Variants in CLASP2 observed in about 807,000 individuals in gnomAD.
The protein encoded by CLASP2 is cytoplasmic linker associated protein 2.
In CLASP2, 47 loss-of-function variants were observed where a neutral mutation model predicts 194.4. The ratio of observed to expected loss-of-function variants is 0.24; its 90% CI spans 0.19 to 0.31. The LOEUF (loss-of-function observed/expected upper bound fraction) is 0.31. Ranked by LOEUF, CLASP2 falls within the 10% of genes least tolerant of loss-of-function variation. The pLI, the probability that CLASP2 is intolerant of heterozygous loss-of-function variation, is 1.00. For synonymous variants in CLASP2, 619 were observed against 633.5 expected (o/e 0.98, Z 0.34); for missense variants, 1,445 against 1,823.6 (o/e 0.79, Z 3.78).
At chr3:33,627,212 T>A (rs934406422) in intron 9 of CLASP2, 132 bp from the exon 10 acceptor site, 2 of 680,098 alleles carry the variant, frequency 2.9e-6, no homozygotes, top group East Asian at 2.7e-5. Flanking sequence ...TAATGGAGAA[T>A]AGAAATACAT....
At chr3:33,501,613 C>T in intron 38 of CLASP2, 39 bp downstream of exon 38, 2 of 1,257,008 alleles carry the variant, frequency 1.6e-6, no homozygotes, top group Non-Finnish European at 2.3e-6. Context: ...GAAAGATGTA[C>T]TATGGCCACC....
chr3:33,507,206 G>C (rs1466565900), intron 37 of CLASP2, among the ~76,000 whole-genome samples: 3 of 152,026 alleles, frequency 2.0e-5, no homozygotes, highest in Non-Finnish European at 4.4e-5. Context: ...CAGAGTGCTG[G>C]GATTACAGGC....
At chr3:33,699,236 G>A (rs1345349992) in intron 1 of CLASP2, among the ~76,000 whole-genome samples, 1 of 151,974 alleles carries the variant, frequency 6.6e-6, no homozygotes, top group Non-Finnish European at 1.5e-5. Context: ...AAGAGCAGTG[G>A]GATAATACTA....
chr3:33,531,818 C>T (rs754438316), intron 34 of CLASP2, among the ~76,000 whole-genome samples: 9 of 151,974 alleles, frequency 5.9e-5, no homozygotes, highest in Non-Finnish European at 8.8e-5. Flanking sequence ...AATGGGATAT[C>T]GCCACACATC....
chr3:33,711,939 G>GA (rs1225002513), intron 1 of CLASP2, among the ~76,000 whole-genome samples: 10 of 152,094 alleles, frequency 6.6e-5, no homozygotes, highest in Non-Finnish European at 8.8e-5. Flanking sequence ...TGTCCACTCT[G>GA]AAAAACAGTA....
At chr3:33,654,867 T>C (rs954617063) in intron 7 of CLASP2, among the ~76,000 whole-genome samples, 1 of 152,176 alleles carries the variant, frequency 6.6e-6, no homozygotes, top group African/African-American at 2.4e-5. Flanking sequence ...ATTGATAAAG[T>C]ATCTTGAAAT....
chr3:33,502,088 T>C (rs1325182661), intron 37 of CLASP2: 1 of 214,330 alleles, frequency 4.7e-6, no homozygotes, highest in Non-Finnish European at 9.3e-6. Flanking sequence ...TCCTAAAGCA[T>C]TAGGTTTTAA....
At chr3:33,523,412 C>T (rs2053672323) in intron 34 of CLASP2, among the ~76,000 whole-genome samples, 1 of 152,052 alleles carries the variant, frequency 6.6e-6, no homozygotes, top group Non-Finnish European at 1.5e-5. Flanking sequence ...TTGCAAGCAG[C>T]AACAGATAAG....
In CLASP2 at chr3:33,570,024, T is replaced by C. The variant is rs371361308; in HGVS notation, c.2763+703A>G. 1.7e-4 allele frequency among the ~76,000 whole-genome samples: 26 copies of C among 152,296 alleles called. No homozygotes were observed. The East Asian group carries it at 2.7e-3, about 16-fold the overall frequency. ...CGCTCACTTAGGTTAGAAAGTCTCCTGTAGACATTTGGTATCCTAAGGGAA... is the reference window on the plus strand; with the variant it reads ...CGCTCACTTAGGTTAGAAAGTCTCCCGTAGACATTTGGTATCCTAAGGGAA... On this transcript the variant is annotated intron_variant, in intron 26 of 38. Transcript: ENST00000682230.
Position 33,576,125 on chromosome 3 carries a change from C to A in CLASP2, c.2454+44G>T, listed in dbSNP as rs375898738. On this transcript the variant is annotated intron_variant, in intron 24 of 38. Coordinates refer to ENST00000682230, the MANE Select transcript of CLASP2 (RefSeq NM_001365631.1). The stretch of plus-strand genomic sequence containing the variant: ...GACTGGCCTACTCATTCAACAGTTT[C>A]GTAATTGGAACATTTATAATGATAA... 2.0e-6 allele frequency: 3 copies of A among 1,494,106 alleles called. No homozygotes were observed. The East Asian group carries it at 6.8e-5, about 34-fold the overall frequency. The allele number at this position is 1,494,106 out of a possible 1,614,324, so 92.6% of individuals were successfully genotyped here.
chr3:33,602,702 T>C (rs1185173886), intron 18 of CLASP2: 2 of 688,856 alleles, frequency 2.9e-6, no homozygotes, highest in Non-Finnish European at 2.6e-6. Flanking sequence ...AGTGCAGTTA[T>C]GAAAATTCTA....
intron 10 of CLASP2, among the ~76,000 whole-genome samples, chr3:33,625,559 C>G (rs2077879150): frequency 6.7e-6 from 1 of 149,194 alleles, no homozygotes; most frequent in Non-Finnish European, 1.5e-5. Context: ...AGTATGATCT[C>G]TCTCTTTTTT....
intron 1 of CLASP2, among the ~76,000 whole-genome samples, chr3:33,699,701 CAGTAA>C (rs1183389077): frequency 6.6e-6 from 1 of 151,830 alleles, no homozygotes; most frequent in Non-Finnish European, 1.5e-5. Flanking sequence ...AAATTTGGCA[CAGTAA>C]AAGATTAACA....
chr3:33,569,183 G>C (rs561037147), intron 26 of CLASP2, among the ~76,000 whole-genome samples: 7 of 152,156 alleles, frequency 4.6e-5, no homozygotes, highest in African/African-American at 7.2e-5. Context: ...TATTAAGAGA[G>C]GCCAAACATT....
At chr3:33,652,537 A>G (rs1381626182) in intron 7 of CLASP2, among the ~76,000 whole-genome samples, 1 of 152,150 alleles carries the variant, frequency 6.6e-6, no homozygotes, top group Non-Finnish European at 1.5e-5. Context: ...CTACCCAACA[A>G]TTAAATGTTG....
At chr3:33,560,502 C>CA (rs1186308282) in intron 28 of CLASP2, among the ~76,000 whole-genome samples, 1 of 152,102 alleles carries the variant, frequency 6.6e-6, no homozygotes. Flanking sequence ...CTCAGCCTCC[C>CA]AAAGTACTAG....
At chr3:33,529,004 T>C (rs184774719) in intron 34 of CLASP2, among the ~76,000 whole-genome samples, 8 of 152,006 alleles carry the variant, frequency 5.3e-5, no homozygotes, top group African/African-American at 1.9e-4. Context: ...CATACGAAAA[T>C]CACTAGCATT....
intron 3 of CLASP2, 50 bp from the exon 4 acceptor site, chr3:33,688,418 G>T: frequency 7.7e-7 from 1 of 1,299,592 alleles, no homozygotes; most frequent in Non-Finnish European, 1.1e-6. Flanking sequence ...AATTATTCAT[G>T]TTATAATCTT....
chr3:33,597,399 T>A (rs551694958), intron 18 of CLASP2, among the ~76,000 whole-genome samples: 1 of 152,254 alleles, frequency 6.6e-6, no homozygotes, highest in African/African-American at 2.4e-5. Flanking sequence ...TCTTAAGAAG[T>A]GTATGCTTGT....
Sources: allele counts gnomAD v4.1 joint callset (sites outside exome capture counted in the v4.1 genomes callset), GRCh38; gene constraint gnomAD v4.1.1; transcripts MANE v1.5; gene names NCBI Gene and HGNC (gene_info 2026-07-23, HGNC 2026-07-21).